The following TCERG1L variants were observed in gnomAD, a reference collection of about 807,000 sequenced individuals.
The protein encoded by TCERG1L is transcription elongation regulator 1-like protein.
A neutral mutation model predicts 56.3 loss-of-function variants in TCERG1L; 37 were observed. The observed-to-expected ratio is 0.66, with a 90% confidence interval of 0.51 to 0.87. The LOEUF (loss-of-function observed/expected upper bound fraction) is 0.87, where lower values mean the gene tolerates loss of function less well. Among genes scored for constraint, TCERG1L ranks in the 40% least tolerant of loss-of-function variants. The pLI is 0.00. For synonymous variants in TCERG1L, 324 were observed against 326.3 expected, an observed-to-expected ratio of 0.99 and a Z score of 0.08; for missense variants, 799 against 774.2, an observed-to-expected ratio of 1.03 and a Z score of -0.38.
intron 4 of TCERG1L, among the ~76,000 whole-genome samples, chr10:131,236,310 CT>C (rs962934078): frequency 2.6e-5 from 4 of 152,304 alleles, no homozygotes; most frequent in South Asian, 4.1e-4. Context: ...CTATTGCTAC[CT>C]TTTTTTCCCC....
intron 3 of TCERG1L, among the ~76,000 whole-genome samples, chr10:131,274,229 T>A (rs1284420728): frequency 1.3e-5 from 2 of 152,160 alleles, no homozygotes; most frequent in Non-Finnish European, 2.9e-5. Flanking sequence ...TCTAAAACGA[T>A]CATTCTGTTT....
intron 8 of TCERG1L, among the ~76,000 whole-genome samples, chr10:131,126,647 A>C (rs1285787357): frequency 1.3e-5 from 2 of 152,150 alleles, no homozygotes; most frequent in Non-Finnish European, 2.9e-5. Context: ...CTTCCCCAGC[A>C]ATTAATTAGG....
intron 4 of TCERG1L, among the ~76,000 whole-genome samples, chr10:131,175,738 A>T (rs1428792403): frequency 6.6e-6 from 1 of 152,236 alleles, no homozygotes. Flanking sequence ...CTCTTGTGTC[A>T]GGTACATAGT....
intron 8 of TCERG1L, among the ~76,000 whole-genome samples, chr10:131,120,922 CT>C (rs1845506217): frequency 6.6e-6 from 1 of 152,224 alleles, no homozygotes; most frequent in Admixed American, 6.5e-5. Flanking sequence ...GAACAAGGAG[CT>C]CCTCACTGCC....
chr10:131,213,058 T>C (rs955799606), intron 4 of TCERG1L, among the ~76,000 whole-genome samples: 2 of 152,212 alleles, frequency 1.3e-5, no homozygotes, highest in Non-Finnish European at 2.9e-5. Context: ...CCAAGCAAAC[T>C]GTTCCCTCAG....
At chr10:131,289,143 G>C (rs1424972063) in intron 3 of TCERG1L, among the ~76,000 whole-genome samples, 1 of 106,094 alleles carries the variant, frequency 9.4e-6, no homozygotes, top group African/African-American at 3.7e-5. Flanking sequence ...TAAAAGTCTT[G>C]ATTTTTTTTT....
At chr10:131,157,269 C>T (rs1286300955) in intron 6 of TCERG1L, among the ~76,000 whole-genome samples, 5 of 152,130 alleles carry the variant, frequency 3.3e-5, no homozygotes, top group Non-Finnish European at 7.4e-5. Context: ...CAGACCATGA[C>T]ATAAAACCTG....
intron 3 of TCERG1L, among the ~76,000 whole-genome samples, chr10:131,265,826 C>T (rs191755978): frequency 1.6e-3 from 238 of 152,356 alleles, no homozygotes; most frequent in Middle Eastern, 3.4e-3. Flanking sequence ...TGTTGATGGC[C>T]GCTGACTGAT....
In TCERG1L at chr10:131,309,834, C is replaced by CAAAAAAAA. The variant is rs58892586; in HGVS notation, c.343-543_343-536dup. Among the ~76,000 whole-genome samples the CAAAAAAAA allele has an allele frequency of 1.6e-3, 82 of 49,848 alleles. 7 individuals are homozygous for CAAAAAAAA. The highest frequency in any genetic ancestry group is 2.5e-3 in the South Asian group (2 of 812). 32.7% of individuals were successfully genotyped at this position (49,848 alleles called of 152,430 possible). On this transcript the variant is annotated intron_variant, in intron 1 of 11. Transcript: ENST00000368642. ...TCACCAATACAAATAGATTCTATGGCAAAAAAAAAAAAAAAAAAAAAAAAA... is the reference window on the plus strand; with the variant it reads ...TCACCAATACAAATAGATTCTATGGCAAAAAAAAAAAAAAAAAAAAAAAAAAAAAAAAA...
intron 7 of TCERG1L, among the ~76,000 whole-genome samples, chr10:131,142,058 C>T (rs555115713): frequency 6.6e-6 from 1 of 152,220 alleles, no homozygotes; most frequent in Admixed American, 6.5e-5. Context: ...CTTGGCATCA[C>T]GTTACAGAGA....
chr10:131,165,615 A>AG (rs1564805592), intron 5 of TCERG1L, among the ~76,000 whole-genome samples: 1 of 152,198 alleles, frequency 6.6e-6, no homozygotes, highest in African/African-American at 2.4e-5. Context: ...TAGAAAAACT[A>AG]GGGGGGACTT....
chr10:131,174,546 C>T (rs1846127771), intron 4 of TCERG1L, among the ~76,000 whole-genome samples: 1 of 152,186 alleles, frequency 6.6e-6, no homozygotes, highest in Non-Finnish European at 1.5e-5. Flanking sequence ...CCCGCCCGTT[C>T]CCCAGCAAAG....
intron 4 of TCERG1L, among the ~76,000 whole-genome samples, chr10:131,170,391 G>C (rs1456332049): frequency 6.6e-6 from 1 of 152,124 alleles, no homozygotes; most frequent in African/African-American, 2.4e-5. Flanking sequence ...ACAAGTGTAA[G>C]ACCATGGGCG....
Position 131,121,290 on chromosome 10 carries a change from T to A in TCERG1L, c.1260-4356A>T, listed in dbSNP as rs558545174. 2.6e-5 allele frequency among the ~76,000 whole-genome samples: 4 copies of A among 152,268 alleles called. No individual in the cohort carries two copies. In the South Asian group the frequency reaches 8.3e-4, roughly 32 times the overall value. ...GTCTGCAGATGTGATGAGGTCAAGGTGTTTCTGAGCCTTACAGGTGAGGAT... is the reference window on the plus strand; with the variant it reads ...GTCTGCAGATGTGATGAGGTCAAGGAGTTTCTGAGCCTTACAGGTGAGGAT... On this transcript the variant is annotated intron_variant, in intron 8 of 11. Transcript: ENST00000368642.
At position 131,143,597 on chromosome 10, in the gene TCERG1L, G is replaced by A. The variant is rs1258670073; in HGVS notation, c.1189+2909C>T. On this transcript the variant is annotated intron_variant, in intron 7 of 11. Coordinates refer to ENST00000368642, the MANE Select transcript of TCERG1L (RefSeq NM_174937.4). ...GCCAGATGGCAGGGGGGTTTCTGCC[G>A]TCACTACCAAGAGAGGGTTTGGCTG... Among the ~76,000 whole-genome samples, 8 of 152,216 alleles carry A rather than the reference G, an allele frequency of 5.3e-5. No homozygotes were observed. In the East Asian group the frequency reaches 5.8e-4, roughly 11 times the overall value.
intron 3 of TCERG1L, among the ~76,000 whole-genome samples, chr10:131,263,211 C>T (rs1386736679): frequency 1.3e-5 from 2 of 152,042 alleles, no homozygotes; most frequent in African/African-American, 2.4e-5. Context: ...TTAGTGATGT[C>T]GGTGTTCTGG....
chr10:131,126,630 TGCCAG>T (rs1845568290), intron 8 of TCERG1L, among the ~76,000 whole-genome samples: 1 of 152,214 alleles, frequency 6.6e-6, no homozygotes, highest in Non-Finnish European at 1.5e-5. Flanking sequence ...CAGTGCCGGC[TGCCAG>T]GCTTCCCCAG....
intron 3 of TCERG1L, among the ~76,000 whole-genome samples, chr10:131,281,820 A>G (rs1212180156): frequency 7.1e-6 from 1 of 141,328 alleles, no homozygotes; most frequent in Non-Finnish European, 1.6e-5. Flanking sequence ...AACACCTAAA[A>G]GTGAGGACTG....
intron 4 of TCERG1L, among the ~76,000 whole-genome samples, chr10:131,235,493 A>G (rs2133514859): frequency 6.6e-6 from 1 of 152,354 alleles, no homozygotes; most frequent in East Asian, 1.9e-4. Context: ...ATGTGTTTGC[A>G]TCATTTCTAA....
Sources: gnomAD v4.1 joint callset for allele counts (sites outside exome capture counted in the v4.1 genomes callset) on GRCh38, gnomAD v4.1.1 for gene constraint, MANE v1.5 for transcripts, NCBI Gene and HGNC (gene_info 2026-07-23, HGNC 2026-07-21) for gene names.